Variants in HOXC10 observed in about 807,000 individuals in gnomAD.
HOXC10 encodes homeobox C10.
In HOXC10, 15 loss-of-function variants were observed where a neutral mutation model predicts 26.0. That is an observed-to-expected ratio of 0.58 (90% CI 0.39 to 0.89). The LOEUF (loss-of-function observed/expected upper bound fraction) is 0.89. HOXC10 is among the 40% of genes least tolerant of loss of function. The pLI is 0.00. For synonymous variants in HOXC10, 196 were observed against 185.5 expected, an observed-to-expected ratio of 1.06 and a Z score of -0.46; for missense variants, 446 against 451.9, an observed-to-expected ratio of 0.99 and a Z score of 0.12.
In HOXC10 at chr12:53,985,571, T is replaced by G. The variant is rs1353729574; in HGVS notation, c.312T>G (p.Ser104Arg). 1.2e-6 allele frequency: 2 copies of G among 1,613,806 alleles called. No homozygotes were observed. The highest frequency in any genetic ancestry group is 4.5e-5 in the East Asian group (2 of 44,858). ...TGTCCTCCTGCTCCTACCCACCTAG[T>G]GTCAAGGAGGAGAATGTCTGCTGCA... Reference protein sequence around the residue: ...RPLSSCSYPPSVKEENVCCMY... With the variant: ...RPLSSCSYPPRVKEENVCCMY... Residue 104 changes from serine to arginine, a missense_variant, in exon 1 of 2, where the codon AGT becomes AGG. Transcript: ENST00000303460.
In HOXC10 at chr12:53,989,228, A is replaced by C; in HGVS notation, c.811A>C (p.Lys271Gln). 6.2e-7 allele frequency: 1 copy of C among 1,613,628 alleles called. No individual in the cohort carries two copies. Among genetic ancestry groups the C allele is most frequent in the Non-Finnish European group, 8.5e-7 (1 of 1,179,820 alleles). The change falls in exon 2 of 2, where the codon AAG becomes CAG. Residue 271 changes from lysine (K) to glutamine (Q), a missense_variant. Coordinates refer to ENST00000303460, the MANE Select transcript of HOXC10 (RefSeq NM_017409.4). ...GCTGACAGCAAAGAGCGGAAGGAAG[A>C]AGAGGTGCCCCTATACTAAACACCA... is the stretch of plus-strand genomic sequence containing the variant. Reference protein sequence around the residue: ...NWLTAKSGRKKRCPYTKHQTL... With the variant: ...NWLTAKSGRKQRCPYTKHQTL...
chr12:53,985,549 C>T lies in HOXC10; in HGVS notation c.290C>T (p.Ser97Phe). 6.2e-7 allele frequency: 1 copy of T among 1,613,852 alleles called. No individual in the cohort carries two copies. Among genetic ancestry groups the T allele is most frequent in the Non-Finnish European group, 8.5e-7 (1 of 1,180,034 alleles). The change falls in exon 1 of 2, where the codon TCC becomes TTC. Residue 97 changes from serine (S) to phenylalanine (F), a missense_variant. Physicochemically the swap from Ser to Phe is radical, Grantham distance 155. Transcript: ENST00000303460. The part of the protein sequence containing the change: ...RLEQPVGRPL[S>F]SCSYPPSVKE... ...GAACAACCTGTTGGCAGGCCGCTGTCCTCCTGCTCCTACCCACCTAGTGTC... is the reference window on the plus strand; with the variant it reads ...GAACAACCTGTTGGCAGGCCGCTGTTCTCCTGCTCCTACCCACCTAGTGTC...
chr12:53,986,077 G>A (rs1046661682), intron 1 of HOXC10, 67 bp downstream of exon 1: 11 of 1,475,010 alleles, frequency 7.5e-6, no homozygotes, highest in Non-Finnish European at 9.9e-6. Flanking sequence ...GCCGGGGAGG[G>A]GGGCAGGGGA....
In HOXC10 at chr12:53,986,027, C is replaced by A. The variant is rs762417089; in HGVS notation, c.751+17C>A. On this transcript the variant is annotated intron_variant, in intron 1 of 1. Coordinates refer to ENST00000303460, the MANE Select transcript of HOXC10 (RefSeq NM_017409.4). The stretch of plus-strand genomic sequence containing the variant: ...AAGCGAAAGGTAAGGCCGCCTGGGC[C>A]GCGGGCGCCACTGGGACGTTCCGGC... The A allele has an allele frequency of 5.9e-6, 9 of 1,534,466 alleles. No homozygotes were observed. In the East Asian group the frequency reaches 2.0e-4, roughly 35 times the overall value.
At chr12:53,988,136 T>G (rs1045703198) in intron 1 of HOXC10, among the ~76,000 whole-genome samples, 8 of 152,204 alleles carry the variant, frequency 5.3e-5, no homozygotes, top group African/African-American at 1.9e-4. Flanking sequence ...ACTCTGTTTT[T>G]TGCCCTTAAA....
At chr12:53,988,840 G>A (rs1169524004) in intron 1 of HOXC10, among the ~76,000 whole-genome samples, 1 of 152,246 alleles carries the variant, frequency 6.6e-6, no homozygotes, top group Non-Finnish European at 1.5e-5. Context: ...GAGAAGGGGG[G>A]ATCTGGCAAG....
Position 53,989,202 on chromosome 12 carries a change from G to T in HOXC10, c.785G>T (p.Trp262Leu). 6.2e-7 allele frequency: 1 copy of T among 1,609,752 alleles called. No homozygotes were observed. Among genetic ancestry groups the T allele is most frequent in the Admixed American group, 1.7e-5 (1 of 59,148 alleles). The change falls in exon 2 of 2, where the codon TGG becomes TTG. Residue 262 changes from tryptophan (W) to leucine (L), a missense_variant. Coordinates refer to ENST00000303460, the MANE Select transcript of HOXC10 (RefSeq NM_017409.4). Reference sequence around the variant, plus strand: ...AAGGCAGAAAACACCACAGGAAATTGGCTGACAGCAAAGAGCGGAAGGAAG... The same window carrying T: ...AAGGCAGAAAACACCACAGGAAATTTGCTGACAGCAAAGAGCGGAAGGAAG... ...EIKAENTTGN[W>L]LTAKSGRKKR...
At chr12:53,987,850 A>G (rs1254557343) in intron 1 of HOXC10, among the ~76,000 whole-genome samples, 1 of 152,192 alleles carries the variant, frequency 6.6e-6, no homozygotes, top group African/African-American at 2.4e-5. Flanking sequence ...TAAGAAAATA[A>G]ACAGGACGTA....
rs776717205 is a variant in HOXC10 at position 53,985,518 on chromosome 12, C to A, written c.259C>A (p.Arg87Ser). ...DSWGDPKAAY[R>S]LEQPVGRPLS... ...CTGGGGCGACCCCAAAGCCGCCTAT[C>A]GCCTGGAACAACCTGTTGGCAGGCC... Residue 87 changes from arginine to serine, a missense_variant, in exon 1 of 2, where the codon CGC becomes AGC. Arg to Ser is a moderately radical substitution (Grantham distance 110). Coordinates refer to ENST00000303460, the MANE Select transcript of HOXC10 (RefSeq NM_017409.4). The A allele has an allele frequency of 1.9e-6, 3 of 1,613,782 alleles. No homozygotes were observed. The highest frequency in any genetic ancestry group is 2.5e-6 in the Non-Finnish European group (3 of 1,180,052).
chr12:53,986,045 G>C (rs1313895939), intron 1 of HOXC10, 35 bp downstream of exon 1: 2 of 1,513,696 alleles, frequency 1.3e-6, no homozygotes, highest in South Asian at 2.7e-5. Flanking sequence ...CCACTGGGAC[G>C]TTCCGGCACT....
rs1416003914 is a variant in HOXC10, at chr12:53,985,193, T to TG, written c.-63dup. ...CTCCAACCGCGCCCCCCCTCCCGGA[T>TG]GGGGAAAAAAAAAGATGTCAGCTCC... On this transcript the variant is annotated 5_prime_UTR_variant, in exon 1 of 2. The change creates a premature stop within an existing upstream ORF in the 5' untranslated region. Transcript: ENST00000303460. 7 of 963,954 alleles carry TG rather than the reference T, an allele frequency of 7.3e-6. No homozygotes were observed. The highest frequency in any genetic ancestry group is 9.0e-6 in the Non-Finnish European group (7 of 774,956). 59.7% of individuals were successfully genotyped at this position (963,954 alleles called of 1,614,324 possible). A position where few individuals can be genotyped will look rare whatever the true frequency, so the allele number is the denominator to read the frequency against.
At position 53,985,403 on chromosome 12, in the gene HOXC10, G is replaced by T. The variant is rs529923049; in HGVS notation, c.144G>T (p.Gly48=). The part of the protein sequence containing the change: ...DFNCGVMRGC[G]LAPSLSKRDE... ...ATTGCGGGGTGATGAGGGGCTGCGG[G>T]CTCGCGCCCTCGCTCTCCAAGAGGG... Residue 48 remains glycine, a synonymous_variant, in exon 1 of 2, where the codon GGG becomes GGT. Coordinates refer to ENST00000303460, the MANE Select transcript of HOXC10 (RefSeq NM_017409.4). 1 of 1,613,412 alleles carries T rather than the reference G, an allele frequency of 6.2e-7. No individual in the cohort carries two copies. Among genetic ancestry groups the T allele is most frequent in the Admixed American group, 1.7e-5 (1 of 60,024 alleles).
chr12:53,985,936 GCC>G lies in HOXC10; in HGVS notation c.680_681del (p.Pro227LeufsTer20). The stretch of plus-strand genomic sequence containing the variant: ...CAGAGCCTGGCGGGCCCTAAAGGGA[GCC>G]CCTCGGAGAGCGAAAAGGAGAGGGC... On this transcript the variant is annotated frameshift_variant, in exon 1 of 2. Transcript: ENST00000303460. LOFTEE classifies it high-confidence loss of function. 1 of 1,612,870 alleles carries G rather than the reference GCC, an allele frequency of 6.2e-7. No individual in the cohort carries two copies.
intron 1 of HOXC10, among the ~76,000 whole-genome samples, chr12:53,987,265 G>A (rs1478181483): frequency 6.6e-6 from 1 of 152,210 alleles, no homozygotes; most frequent in African/African-American, 2.4e-5. Flanking sequence ...CATATTGCAT[G>A]ATCCTTGCAC....
At position 53,985,631 on chromosome 12, in the gene HOXC10, C is replaced by T. The variant is rs779248676; in HGVS notation, c.372C>T (p.Pro124=). The T allele has an allele frequency of 2.5e-6, 4 of 1,613,814 alleles. No homozygotes were observed. The highest frequency in any genetic ancestry group is 2.5e-6 in the Non-Finnish European group (3 of 1,180,010). Residue 124 remains proline, a synonymous_variant, in exon 1 of 2, where the codon CCC becomes CCT. Coordinates refer to ENST00000303460, the MANE Select transcript of HOXC10 (RefSeq NM_017409.4). The stretch of plus-strand genomic sequence containing the variant: ...CAGAGAAGCGGGCGAAAAGTGGCCC[C>T]GAGGCAGCTCTCTACTCCCACCCCT... ...YSAEKRAKSG[P]EAALYSHPLP... is the part of the protein sequence containing the mutation.
rs554623834 is a variant in HOXC10 at position 53,985,760 on chromosome 12, C to T, written c.501C>T (p.Ala167=). Residue 167 remains alanine (A), a synonymous_variant, in exon 1 of 2, where the codon GCC becomes GCT. Coordinates refer to ENST00000303460, the MANE Select transcript of HOXC10 (RefSeq NM_017409.4). ...ACAAGACGCCCCACTGTTCTGGGGCCAACGACTTCGAAGCCCCTTTCGAGC... is the reference window on the plus strand; with the variant it reads ...ACAAGACGCCCCACTGTTCTGGGGCTAACGACTTCGAAGCCCCTTTCGAGC... ...ALDKTPHCSG[A]NDFEAPFEQR... The T allele has an allele frequency of 1.2e-6, 2 of 1,613,692 alleles. No individual in the cohort carries two copies. Among genetic ancestry groups the T allele is most frequent in the African/African-American group, 2.7e-5 (2 of 75,058 alleles).
chr12:53,988,428 G>C (rs1939470237), intron 1 of HOXC10, among the ~76,000 whole-genome samples: 2 of 152,320 alleles, frequency 1.3e-5, no homozygotes, highest in South Asian at 4.1e-4. Context: ...CTCAGGATAT[G>C]TCTCTCCCTT....
chr12:53,985,984 C>G lies in HOXC10; in HGVS notation c.725C>G (p.Pro242Arg), dbSNP rs778664874. The part of the protein sequence containing the change: ...KERAKAADSS[P>R]DTSDNEAKEE... ...AGGGCCAAAGCTGCCGACTCCAGCC[C>G]AGACACCTCGGATAACGAAGCGAAA... is the stretch of plus-strand genomic sequence containing the variant. The change falls in exon 1 of 2, where the codon CCA becomes CGA. Residue 242 changes from proline to arginine, a missense_variant. Coordinates refer to ENST00000303460, the MANE Select transcript of HOXC10 (RefSeq NM_017409.4). The G allele has an allele frequency of 1.3e-6, 2 of 1,579,218 alleles. No individual in the cohort carries two copies. The highest frequency in any genetic ancestry group is 2.7e-5 in the African/African-American group (2 of 73,372).
Position 53,985,871 on chromosome 12 carries a change from C to T in HOXC10, c.612C>T (p.Ser204=). The T allele has an allele frequency of 1.9e-6, 3 of 1,613,840 alleles. No homozygotes were observed. Among genetic ancestry groups the T allele is most frequent in the Non-Finnish European group, 2.5e-6 (3 of 1,180,020 alleles). The change falls in exon 1 of 2, where the codon TCC becomes TCT. Residue 204 remains serine, a synonymous_variant. Transcript: ENST00000303460. ...GKVSFPETPK[S]DSQTPSPNEI... ...TGAGTTTCCCTGAGACCCCCAAGTC[C>T]GACAGCCAGACCCCCAGCCCCAATG...
Sources: gnomAD v4.1 joint callset for allele counts (sites outside exome capture counted in the v4.1 genomes callset) on GRCh38, gnomAD v4.1.1 for gene constraint, MANE v1.5 for transcripts, NCBI Gene and HGNC (gene_info 2026-07-23, HGNC 2026-07-21) for gene names.